Variants in LINGO2 observed in about 807,000 individuals in gnomAD.
LINGO2 encodes leucine-rich repeat and immunoglobulin-like domain-containing nogo receptor-interacting protein 2.
A neutral mutation model predicts 30.6 loss-of-function variants in LINGO2; 14 were observed. The ratio of observed to expected loss-of-function variants is 0.46; its 90% CI spans 0.30 to 0.72. The LOEUF (loss-of-function observed/expected upper bound fraction) is 0.72, where lower values mean the gene tolerates loss of function less well. LINGO2 is among the 30% of genes least tolerant of loss of function. The pLI, the probability that LINGO2 is intolerant of heterozygous loss-of-function variation, is 0.07. For missense variants in LINGO2, 729 were observed against 751.7 expected, an observed-to-expected ratio of 0.97 and a Z score of 0.35; for synonymous variants, 317 against 288.5, an observed-to-expected ratio of 1.10 and a Z score of -1.00.
rs370255317 is a variant in LINGO2 at position 27,949,507 on chromosome 9, G to T, written c.1165C>A (p.Arg389Ser). ...TGGAAATCCTTGAAAGACCTCTCAC[G>T]GATGGTGTCTGGGCCAGCACACATA... The change falls in exon 6 of 6, where the codon CGT (arginine) becomes AGT (serine). Residue 389 changes from arginine (R) to serine (S), a missense_variant. By Grantham distance (110) the Arg-to-Ser change is moderately radical. Coordinates refer to ENST00000379992, the Ensembl canonical transcript of LINGO2. 1.9e-6 allele frequency: 3 copies of T among 1,613,962 alleles called. No homozygotes were observed. In the African/African-American group the frequency reaches 4.0e-5, roughly 22 times the overall value.
chr9:29,007,348 T>C, the LINGO2 span, among the ~76,000 whole-genome samples: 1 of 152,138 alleles, frequency 6.6e-6, no homozygotes, highest in African/African-American at 2.4e-5. Context: ...ATTTTCATTT[T>C]GGATTTCTCT....
chr9:29,043,989 T>C, the LINGO2 span, among the ~76,000 whole-genome samples: 1 of 152,032 alleles, frequency 6.6e-6, no homozygotes, highest in African/African-American at 2.4e-5. Context: ...TGACTGCCAA[T>C]GAAAGAACAA....
the LINGO2 span, among the ~76,000 whole-genome samples, chr9:28,870,287 C>G: frequency 6.6e-6 from 1 of 151,976 alleles, no homozygotes; most frequent in Admixed American, 6.6e-5. Flanking sequence ...TTTTTCCATT[C>G]CACCCCATGT....
chr9:27,967,436 C>A (rs1820153286), intron 5 of LINGO2, among the ~76,000 whole-genome samples: 1 of 151,952 alleles, frequency 6.6e-6, no homozygotes, highest in East Asian at 1.9e-4. Context: ...GTGGGCACAC[C>A]CAACTAAATG....
chr9:28,882,343 G>C, the LINGO2 span, among the ~76,000 whole-genome samples: 1 of 152,066 alleles, frequency 6.6e-6, no homozygotes, highest in Non-Finnish European at 1.5e-5. Context: ...ATGCAATCTG[G>C]GGTTAGACAG....
At chr9:28,942,202 C>T in the LINGO2 span, among the ~76,000 whole-genome samples, 1 of 152,176 alleles carries the variant, frequency 6.6e-6, no homozygotes, top group Admixed American at 6.5e-5. Flanking sequence ...CATTTGGACT[C>T]TTTTAGGAAA....
At chr9:29,195,120 T>C in the LINGO2 span, among the ~76,000 whole-genome samples, 5 of 145,782 alleles carry the variant, frequency 3.4e-5, no homozygotes, top group East Asian at 6.2e-4. Flanking sequence ...AATAGAACCA[T>C]ACGGTATGTA....
the LINGO2 span, among the ~76,000 whole-genome samples, chr9:28,803,117 T>C: frequency 6.6e-6 from 1 of 152,096 alleles, no homozygotes; most frequent in African/African-American, 2.4e-5. Context: ...TGCATTTAGA[T>C]CTTGTTATGG....
chr9:28,422,838 G>A (rs1823256477), intron 2 of LINGO2, among the ~76,000 whole-genome samples: 2 of 151,904 alleles, frequency 1.3e-5, no homozygotes, highest in Non-Finnish European at 2.9e-5. Flanking sequence ...TATTTTTCAG[G>A]AAAAATAAAA....
At chr9:28,943,699 T>C in the LINGO2 span, among the ~76,000 whole-genome samples, 2 of 152,118 alleles carry the variant, frequency 1.3e-5, no homozygotes, top group East Asian at 1.9e-4. Context: ...GTAACAAACG[T>C]ATGCATTGCT....
At chr9:28,307,769 A>C (rs1391553873) in intron 3 of LINGO2, among the ~76,000 whole-genome samples, 1 of 152,204 alleles carries the variant, frequency 6.6e-6, no homozygotes, top group Non-Finnish European at 1.5e-5. Flanking sequence ...AATGACAAGC[A>C]TTCTTATACA....
intron 4 of LINGO2, among the ~76,000 whole-genome samples, chr9:28,051,065 C>G (rs1412720522): frequency 6.6e-6 from 1 of 150,804 alleles, no homozygotes; most frequent in Non-Finnish European, 1.5e-5. Context: ...TAGCTAACTC[C>G]TTTCTCCAAG....
At chr9:28,083,884 T>G (rs1825839043) in intron 4 of LINGO2, among the ~76,000 whole-genome samples, 1 of 152,104 alleles carries the variant, frequency 6.6e-6, no homozygotes, top group Non-Finnish European at 1.5e-5. Flanking sequence ...AAAGAACAGT[T>G]AAGAGGATGT....
At chr9:28,847,889 T>C in the LINGO2 span, among the ~76,000 whole-genome samples, 8 of 114,166 alleles carry the variant, frequency 7.0e-5, 1 homozygote, top group Non-Finnish European at 1.3e-4. Flanking sequence ...TATATACACA[T>C]ATATGTATAG....
the LINGO2 span, among the ~76,000 whole-genome samples, chr9:29,129,231 G>C: frequency 6.6e-6 from 1 of 152,076 alleles, no homozygotes; most frequent in East Asian, 1.9e-4. Flanking sequence ...AGCATGTGAT[G>C]GTCACTGGCT....
intron 4 of LINGO2, among the ~76,000 whole-genome samples, chr9:28,197,327 A>C (rs1229279143): frequency 6.6e-6 from 1 of 152,008 alleles, no homozygotes; most frequent in Non-Finnish European, 1.5e-5. Flanking sequence ...GCTAGTCTAC[A>C]CAACATTAAA....
chr9:28,051,170 C>T (rs1824652898), intron 4 of LINGO2, among the ~76,000 whole-genome samples: 1 of 151,168 alleles, frequency 6.6e-6, no homozygotes, highest in Non-Finnish European at 1.5e-5. Flanking sequence ...AGGCACATTC[C>T]AATCACAGAT....
the LINGO2 span, chr9:27,941,273 A>C: frequency 6.6e-6 from 1 of 151,996 alleles, no homozygotes; most frequent in South Asian, 2.1e-4. Flanking sequence ...TGTCTCTACT[A>C]AAAAAATACA....
At chr9:28,730,127 C>A in the LINGO2 span, among the ~76,000 whole-genome samples, 1 of 152,042 alleles carries the variant, frequency 6.6e-6, no homozygotes, top group African/African-American at 2.4e-5. Context: ...ATGTATCTGC[C>A]ATCTACTCTT....
Sources: allele counts gnomAD v4.1 joint callset (sites outside exome capture counted in the v4.1 genomes callset), GRCh38; gene constraint gnomAD v4.1.1; transcripts MANE v1.5; gene names NCBI Gene and HGNC (gene_info 2026-07-23, HGNC 2026-07-21).